Variants in DCAF8L2 observed in about 807,000 individuals in gnomAD.
DCAF8L2 encodes the protein DDB1- and CUL4-associated factor 8-like protein 2.
For synonymous variants in DCAF8L2, 200 were observed against 190.9 expected, an observed-to-expected ratio of 1.05 and a Z score of -0.39; for missense variants, 430 against 490.7, an observed-to-expected ratio of 0.88 and a Z score of 1.17.
In DCAF8L2 at chrX:27,606,358, A is replaced by AATATATATATATATATATAT. The variant is rs200718182; in HGVS notation, c.-342+15923_-342+15942dup. ...TATAGGAATTATATATATATCTAGG[A>AATATATATATATATATATAT]ATATATATATATATATATATATATT... On this transcript the variant is annotated intron_variant, in intron 1 of 4. Coordinates refer to ENST00000451261, the MANE Select transcript of DCAF8L2 (RefSeq NM_001353450.2). 4.6e-3 allele frequency among the ~76,000 whole-genome samples: 184 copies of AATATATATATATATATATAT among 39,710 alleles called. 7 individuals are homozygous for AATATATATATATATATATAT. The highest frequency in any genetic ancestry group is 0.012 in the African/African-American group (65 of 5,388). The allele number at this position is 39,710 out of a possible 115,157, so 34.5% of individuals were successfully genotyped here.
chrX:27,551,315 A>G, the DCAF8L2 span, among the ~76,000 whole-genome samples: 9 of 110,531 alleles, frequency 8.1e-5, no homozygotes, highest in African/African-American at 2.6e-4. Flanking sequence ...GCAGCCATCA[A>G]TATCAAGGCA....
the DCAF8L2 span, among the ~76,000 whole-genome samples, chrX:27,480,617 G>A: frequency 9.0e-6 from 1 of 111,657 alleles, no homozygotes; most frequent in Admixed American, 9.5e-5. Context: ...CCCTTTGGTG[G>A]CCTCAATTCC....
At chrX:27,689,232 T>C (rs1240722968) in intron 3 of DCAF8L2, among the ~76,000 whole-genome samples, 4 of 112,274 alleles carry the variant, frequency 3.6e-5, no homozygotes, top group Admixed American at 9.5e-5. Flanking sequence ...ACAAGATTGA[T>C]TGACTGATTG....
chrX:27,719,215 A>T (rs973573456), intron 4 of DCAF8L2, among the ~76,000 whole-genome samples: 1 of 111,031 alleles, frequency 9.0e-6, no homozygotes, highest in Non-Finnish European at 1.9e-5. Context: ...CTTTGTCCAA[A>T]CCTAGTGTTT....
intron 1 of DCAF8L2, among the ~76,000 whole-genome samples, chrX:27,631,484 G>A (rs1928289034): frequency 8.9e-6 from 1 of 112,484 alleles, no homozygotes. Flanking sequence ...TTAGCCACGT[G>A]TGGCTATAAA....
the DCAF8L2 span, among the ~76,000 whole-genome samples, chrX:27,529,708 A>G: frequency 1.8e-5 from 2 of 112,404 alleles, no homozygotes; most frequent in Middle Eastern, 4.7e-3. Context: ...AGTGAATTGC[A>G]TGAAGGATTA....
the DCAF8L2 span, among the ~76,000 whole-genome samples, chrX:27,538,501 C>A: frequency 9.0e-6 from 1 of 110,747 alleles, no homozygotes; most frequent in South Asian, 3.9e-4. Flanking sequence ...TCAAGTGATT[C>A]TCCTGCCTCA....
chrX:27,743,195 G>A (rs974555648), intron 4 of DCAF8L2, among the ~76,000 whole-genome samples: 5 of 108,229 alleles, frequency 4.6e-5, no homozygotes, highest in Admixed American at 9.8e-5. Flanking sequence ...GATGGGATTC[G>A]CTTGTCTCAG....
the DCAF8L2 span, among the ~76,000 whole-genome samples, chrX:27,498,906 T>C: frequency 8.9e-6 from 1 of 112,258 alleles, no homozygotes; most frequent in South Asian, 3.7e-4. Context: ...CTGAATAATA[T>C]TCCAGTGTAT....
chrX:27,653,587 G>A lies in DCAF8L2; in HGVS notation c.-220+21587G>A, dbSNP rs781736222. 8.1e-5 allele frequency among the ~76,000 whole-genome samples: 9 copies of A among 110,517 alleles called. No homozygotes were observed. In the East Asian group the frequency reaches 2.3e-3, roughly 28 times the overall value. ...ACTTTATATTTTCATTAAATTTTAA[G>A]GTCCTCTTTTAATAAACTATCCTAC... is the stretch of plus-strand genomic sequence containing the variant. On this transcript the variant is annotated intron_variant, in intron 2 of 4. Transcript: ENST00000451261.
chrX:27,729,167 A>G (rs781550601), intron 4 of DCAF8L2, among the ~76,000 whole-genome samples: 89 of 112,003 alleles, frequency 7.9e-4, no homozygotes, highest in Middle Eastern at 4.2e-3. Context: ...AAGACACTTC[A>G]TGTTTAGCAA....
chrX:27,572,187 G>T, the DCAF8L2 span, among the ~76,000 whole-genome samples: 1 of 111,496 alleles, frequency 9.0e-6, no homozygotes, highest in Non-Finnish European at 1.9e-5. Flanking sequence ...GAGTACTCTG[G>T]TTAATTGTTT....
chrX:27,497,541 C>CT, the DCAF8L2 span, among the ~76,000 whole-genome samples: 5 of 78,651 alleles, frequency 6.4e-5, no homozygotes, highest in African/African-American at 3.8e-4. Context: ...TCCTTCCTTC[C>CT]TTCCTTCCTT....
chrX:27,623,255 A>G (rs1253169633), intron 1 of DCAF8L2, among the ~76,000 whole-genome samples: 1 of 111,312 alleles, frequency 9.0e-6, no homozygotes, highest in African/African-American at 3.3e-5. Context: ...CAGGGGAAAA[A>G]AAACTGAAAA....
At chrX:27,729,077 T>C (rs191932947) in intron 4 of DCAF8L2, among the ~76,000 whole-genome samples, 153 of 111,858 alleles carry the variant, frequency 1.4e-3, no homozygotes, top group Non-Finnish European at 2.6e-3. Context: ...AAGAATAATT[T>C]ATTAAATTAA....
the DCAF8L2 span, among the ~76,000 whole-genome samples, chrX:27,502,901 T>C: frequency 8.9e-6 from 1 of 111,969 alleles, no homozygotes; most frequent in Non-Finnish European, 1.9e-5. Context: ...GTCTTCTTGG[T>C]CCACCATCCT....
At chrX:27,739,552 C>T (rs774809540) in intron 4 of DCAF8L2, among the ~76,000 whole-genome samples, 23 of 111,500 alleles carry the variant, frequency 2.1e-4, no homozygotes, top group Admixed American at 1.4e-3. Context: ...ATATTCACTC[C>T]CTAGGTGATC....
intron 2 of DCAF8L2, chrX:27,632,815 A>G (rs1315778586): frequency 9.0e-6 from 1 of 111,339 alleles, no homozygotes; most frequent in Non-Finnish European, 1.9e-5. Context: ...AGCAATCATC[A>G]GTTGTAACAT....
chrX:27,521,631 A>G, the DCAF8L2 span, among the ~76,000 whole-genome samples: 1 of 112,134 alleles, frequency 8.9e-6, no homozygotes, highest in Non-Finnish European at 1.9e-5. Context: ...AGTATACACC[A>G]TGAAAATATT....
Sources: gnomAD v4.1 joint callset for allele counts (sites outside exome capture counted in the v4.1 genomes callset) on GRCh38, gnomAD v4.1.1 for gene constraint, MANE v1.5 for transcripts, NCBI Gene and HGNC (gene_info 2026-07-23, HGNC 2026-07-21) for gene names.